Variants in ANKRD13C observed in about 807,000 individuals in gnomAD.
The protein encoded by ANKRD13C is ankyrin repeat domain 13C.
ANKRD13C carries 16 observed loss-of-function variants against 65.5 expected under a neutral mutation model. The observed-to-expected ratio is 0.24, with a 90% CI of 0.17 to 0.37. The LOEUF (loss-of-function observed/expected upper bound fraction) is 0.37, where lower values mean the gene tolerates loss of function less well. ANKRD13C is among the 10% of genes least tolerant of loss of function. The pLI is 1.00. For synonymous variants in ANKRD13C, 235 were observed against 238.7 expected (o/e 0.98, Z 0.14); for missense variants, 503 against 655.9 (o/e 0.77, Z 2.55).
intron 12 of ANKRD13C, 21 bp downstream of exon 12, chr1:70,270,835 A>T: frequency 6.7e-7 from 1 of 1,492,494 alleles, no homozygotes; most frequent in Non-Finnish European, 9.3e-7. Context: ...CACTAAAATT[A>T]TATCTAATTT....
chr1:70,271,219 G>T (rs1558260898), intron 11 of ANKRD13C, among the ~76,000 whole-genome samples: 1 of 152,060 alleles, frequency 6.6e-6, no homozygotes, highest in Non-Finnish European at 1.5e-5. Flanking sequence ...TCACTGTTTG[G>T]GTGGCTGATT....
At chr1:70,285,102 A>G (rs947974316) in intron 9 of ANKRD13C, among the ~76,000 whole-genome samples, 7 of 151,492 alleles carry the variant, frequency 4.6e-5, no homozygotes, top group Non-Finnish European at 1.0e-4. Flanking sequence ...TTAATATAGC[A>G]CATGTCTATT....
rs1249247044 is a variant in ANKRD13C at position 70,261,986 on chromosome 1, A to C, written c.*731T>G. ...AAAAAAATAGAGGTTCTATGAAAGG[A>C]AGATTAGTAACAAACATTCAGGTAA... On this transcript the variant is annotated 3_prime_UTR_variant, in exon 13 of 13. Transcript: ENST00000370944. The C allele has an allele frequency of 6.6e-6, 1 of 152,510 alleles. No individual in the cohort carries two copies. The highest frequency in any genetic ancestry group is 6.6e-5 in the Admixed American group (1 of 15,260). 9.4% of individuals were successfully genotyped at this position (152,510 alleles called of 1,614,324 possible).
intron 7 of ANKRD13C, among the ~76,000 whole-genome samples, chr1:70,298,189 G>A (rs902190212): frequency 6.6e-6 from 1 of 152,028 alleles, no homozygotes; most frequent in African/African-American, 2.4e-5. Flanking sequence ...ATATTAGCTT[G>A]GAAACTGAAC....
At chr1:70,300,950 T>G in intron 6 of ANKRD13C, 42 bp from the exon 7 acceptor site, 1 of 1,569,882 alleles carries the variant, frequency 6.4e-7, no homozygotes, top group Non-Finnish European at 8.6e-7. Flanking sequence ...CAAATATAAT[T>G]TTGATAAAAC....
chr1:70,264,625 T>C (rs1336160142), intron 12 of ANKRD13C, among the ~76,000 whole-genome samples: 1 of 151,804 alleles, frequency 6.6e-6, no homozygotes, highest in African/African-American at 2.4e-5. Flanking sequence ...ACAGAAACCA[T>C]AGAGCCCACA....
At chr1:70,305,117 AAACAAC>A (rs960717558) in intron 6 of ANKRD13C, among the ~76,000 whole-genome samples, 1 of 152,152 alleles carries the variant, frequency 6.6e-6, no homozygotes, top group South Asian at 2.1e-4. Flanking sequence ...GAAAAAACAA[AAACAAC>A]AACAACAACA....
At chr1:70,297,483 G>A (rs1377512197) in intron 7 of ANKRD13C, among the ~76,000 whole-genome samples, 2 of 148,384 alleles carry the variant, frequency 1.3e-5, no homozygotes, top group East Asian at 2.1e-4. Flanking sequence ...TAGTAGAGAC[G>A]GGGTTTCACC....
chr1:70,294,126 G>A (rs1164638093), intron 8 of ANKRD13C, among the ~76,000 whole-genome samples: 1 of 152,092 alleles, frequency 6.6e-6, no homozygotes, highest in Non-Finnish European at 1.5e-5. Context: ...ACTAAAGAAT[G>A]AGGAAAAAAA....
intron 1 of ANKRD13C, among the ~76,000 whole-genome samples, chr1:70,350,782 G>C (rs896729946): frequency 1.3e-5 from 2 of 152,188 alleles, no homozygotes; most frequent in Non-Finnish European, 2.9e-5. Flanking sequence ...ATGATTTATA[G>C]CTTTGAGATT....
chr1:70,331,797 A>AGG (rs1681811141), intron 2 of ANKRD13C, among the ~76,000 whole-genome samples: 1 of 124,344 alleles, frequency 8.0e-6, no homozygotes, highest in African/African-American at 3.0e-5. Flanking sequence ...ACTCCAGCCT[A>AGG]GGCAACAGAG....
chr1:70,311,487 A>C (rs1430114717), intron 5 of ANKRD13C, among the ~76,000 whole-genome samples: 3 of 152,092 alleles, frequency 2.0e-5, no homozygotes, highest in Non-Finnish European at 4.4e-5. Flanking sequence ...TAAATAAATA[A>C]ATAAATGTCA....
At chr1:70,336,558 A>G (rs1250439421) in intron 1 of ANKRD13C, among the ~76,000 whole-genome samples, 3 of 152,196 alleles carry the variant, frequency 2.0e-5, no homozygotes, top group African/African-American at 7.2e-5. Flanking sequence ...GCCTGACCGT[A>G]GAACATATGG....
At chr1:70,330,375 T>C (rs994815787) in intron 2 of ANKRD13C, among the ~76,000 whole-genome samples, 3 of 151,888 alleles carry the variant, frequency 2.0e-5, no homozygotes, top group African/African-American at 7.2e-5. Flanking sequence ...CTGGCCAACA[T>C]GGCAAAACCC....
chr1:70,287,529 C>G (rs1045373962), intron 9 of ANKRD13C, among the ~76,000 whole-genome samples: 1 of 151,966 alleles, frequency 6.6e-6, no homozygotes, highest in South Asian at 2.1e-4. Context: ...GAACCTGGAG[C>G]TAGGCAAAAA....
chr1:70,259,112 C>G lies in ANKRD13C; in HGVS notation c.*3605G>C, dbSNP rs549376186. On this transcript the variant is annotated 3_prime_UTR_variant, in exon 13 of 13. Transcript: ENST00000370944. ...CTCACAATGACAAAATCACCTGATGCATTCCACAGAACATGTACCCATCAT... is the reference window on the plus strand; with the variant it reads ...CTCACAATGACAAAATCACCTGATGGATTCCACAGAACATGTACCCATCAT... Among the ~76,000 whole-genome samples, 31 of 152,252 alleles carry G rather than the reference C, an allele frequency of 2.0e-4. No individual in the cohort carries two copies. The highest frequency in any genetic ancestry group is 6.5e-4 in the Admixed American group (10 of 15,304).
chr1:70,283,909 T>C (rs1679511517), intron 9 of ANKRD13C, among the ~76,000 whole-genome samples: 1 of 152,266 alleles, frequency 6.6e-6, no homozygotes, highest in Admixed American at 6.5e-5. Context: ...TCAATGACTC[T>C]AAGGTATAAA....
rs146812993 is a variant in ANKRD13C at position 70,345,288 on chromosome 1, G to A, written c.430+8691C>T. Reference sequence around the variant, plus strand: ...CTACTAAAAATACAAAATTAGCCGGGCGTGGTGGTACATGCCTGAAATCCC... The same window carrying A: ...CTACTAAAAATACAAAATTAGCCGGACGTGGTGGTACATGCCTGAAATCCC... On this transcript the variant is annotated intron_variant, in intron 1 of 12. Transcript: ENST00000370944. 7.8e-3 allele frequency among the ~76,000 whole-genome samples: 1,184 copies of A among 152,128 alleles called. 16 individuals are homozygous for A. Among genetic ancestry groups the A allele is most frequent in the African/African-American group, 0.027 (1,125 of 41,502 alleles).
chr1:70,323,520 G>C (rs936048280), intron 3 of ANKRD13C, among the ~76,000 whole-genome samples: 1 of 151,756 alleles, frequency 6.6e-6, no homozygotes, highest in Non-Finnish European at 1.5e-5. Context: ...GCAGGCACCT[G>C]TGATCCCAGC....
Sources: gnomAD v4.1 joint callset for allele counts (sites outside exome capture counted in the v4.1 genomes callset) on GRCh38, gnomAD v4.1.1 for gene constraint, MANE v1.5 for transcripts, NCBI Gene and HGNC (gene_info 2026-07-23, HGNC 2026-07-21) for gene names.